SAMMSON: variants seen among roughly 807,000 people sequenced by gnomAD.
SAMMSON encodes long intergenic non-protein coding RNA 1212.
At chr3:70,130,376 T>C (rs552447194) in intron 4 of SAMMSON, among the ~76,000 whole-genome samples, 3 of 152,314 alleles carry the variant, frequency 2.0e-5, no homozygotes, top group South Asian at 4.1e-4. Flanking sequence ...TTGCATGTGC[T>C]AGGGTTGTGA....
At chr3:70,304,175 G>T (rs1702378278) in intron 7 of SAMMSON, among the ~76,000 whole-genome samples, 1 of 152,148 alleles carries the variant, frequency 6.6e-6, no homozygotes, top group Admixed American at 6.5e-5. Flanking sequence ...CTTGGGTGAA[G>T]ATGTCCCAGT....
intron 4 of SAMMSON, among the ~76,000 whole-genome samples, chr3:70,174,573 A>C (rs1052744038): frequency 2.0e-5 from 3 of 151,986 alleles, no homozygotes; most frequent in Non-Finnish European, 4.4e-5. Context: ...ATAAGAAAAA[A>C]ATATGCTAGT....
intron 1 of SAMMSON, among the ~76,000 whole-genome samples, chr3:70,004,620 TACA>T (rs1297122979): frequency 2.0e-5 from 3 of 152,150 alleles, no homozygotes; most frequent in Non-Finnish European, 2.9e-5. Context: ...TAAACCAGCT[TACA>T]ACATTTACAA....
At chr3:70,006,738 A>G (rs534381958) in intron 1 of SAMMSON, among the ~76,000 whole-genome samples, 84 of 151,600 alleles carry the variant, frequency 5.5e-4, no homozygotes, top group African/African-American at 1.8e-3. Context: ...TACATGTGCC[A>G]TGTTGGTGTG....
intron 7 of SAMMSON, among the ~76,000 whole-genome samples, chr3:70,340,241 G>A (rs1245796704): frequency 3.6e-5 from 5 of 138,888 alleles, no homozygotes; most frequent in Non-Finnish European, 6.2e-5. Flanking sequence ...GAGGCCTGTC[G>A]TGGGTTGGGG....
chr3:70,213,778 A>G (rs1701373560), intron 4 of SAMMSON, among the ~76,000 whole-genome samples: 1 of 152,166 alleles, frequency 6.6e-6, no homozygotes, highest in Non-Finnish European at 1.5e-5. Context: ...ACAGGAAATC[A>G]TTCAACATGA....
At chr3:70,244,334 C>T (rs559125888) in intron 4 of SAMMSON, among the ~76,000 whole-genome samples, 2 of 152,292 alleles carry the variant, frequency 1.3e-5, no homozygotes, top group Admixed American at 6.5e-5. Context: ...TTAACATTTT[C>T]TCAATGCCTC....
intron 6 of SAMMSON, among the ~76,000 whole-genome samples, chr3:70,254,187 CATT>C (rs1701794542): frequency 1.3e-5 from 2 of 152,064 alleles, no homozygotes; most frequent in South Asian, 4.1e-4. Context: ...AATGATAAAA[CATT>C]AGTGTCAATT....
intron 4 of SAMMSON, chr3:70,196,865 G>A (rs1044302557): frequency 2.5e-6 from 1 of 398,062 alleles, no homozygotes; most frequent in African/African-American, 2.1e-5. Context: ...AATCAGTCTT[G>A]TTGTAATGGA....
intron 7 of SAMMSON, among the ~76,000 whole-genome samples, chr3:70,328,927 G>A (rs1031783098): frequency 3.3e-5 from 5 of 152,182 alleles, no homozygotes; most frequent in African/African-American, 1.2e-4. Flanking sequence ...TAACTTGAGA[G>A]AAAATGACAC....
chr3:70,092,156 T>C (rs1342776638), intron 4 of SAMMSON, among the ~76,000 whole-genome samples: 2 of 152,162 alleles, frequency 1.3e-5, no homozygotes, highest in Admixed American at 1.3e-4. Flanking sequence ...TGCGAAGTGA[T>C]ACTTGCTTTG....
chr3:70,345,667 T>G (rs2106731598), intron 7 of SAMMSON, among the ~76,000 whole-genome samples: 1 of 152,254 alleles, frequency 6.6e-6, no homozygotes, highest in Admixed American at 6.5e-5. Context: ...CTCCAAAACC[T>G]CGGCAACCAT....
rs190390543 is a variant in SAMMSON at position 70,045,246 on chromosome 3, T to C, written n.418-26230T>C. 2.5e-3 allele frequency among the ~76,000 whole-genome samples: 368 copies of C among 145,896 alleles called. 2 individuals carry two copies. The highest frequency in any genetic ancestry group is 4.2e-3 in the Non-Finnish European group (281 of 66,924). ...TATTTAATATTATTTATTTAGTATG[T>C]TTTAAATATTTTACTTAAAAGTATG... On this transcript the variant is annotated intron_variant and non_coding_transcript_variant, in intron 3 of 9. Coordinates refer to ENST00000642114, the Ensembl canonical transcript of SAMMSON.
At chr3:70,381,740 G>A (rs1174736421) in intron 9 of SAMMSON, among the ~76,000 whole-genome samples, 2 of 152,064 alleles carry the variant, frequency 1.3e-5, no homozygotes, top group African/African-American at 2.4e-5. Context: ...CCAGAATGAG[G>A]ACATTCTAAG....
At chr3:70,431,641 C>T (rs1256400873) in intron 2 of SAMMSON, among the ~76,000 whole-genome samples, 1 of 152,006 alleles carries the variant, frequency 6.6e-6, no homozygotes, top group Non-Finnish European at 1.5e-5. Context: ...ATTCACAGAT[C>T]TTAAGTCTTC....
chr3:70,038,820 A>C (rs1016303688), intron 3 of SAMMSON, among the ~76,000 whole-genome samples: 11 of 152,174 alleles, frequency 7.2e-5, no homozygotes, highest in African/African-American at 2.7e-4. Flanking sequence ...TTGAAACTGG[A>C]GTCAGAATAG....
intron 4 of SAMMSON, among the ~76,000 whole-genome samples, chr3:70,236,414 A>G (rs2106748922): frequency 6.6e-6 from 1 of 152,276 alleles, no homozygotes; most frequent in South Asian, 2.1e-4. Flanking sequence ...GCCTCTAAAG[A>G]GTTCTACCTG....
At chr3:70,368,412 A>G (rs915103930) in intron 9 of SAMMSON, among the ~76,000 whole-genome samples, 1 of 151,676 alleles carries the variant, frequency 6.6e-6, no homozygotes, top group East Asian at 1.9e-4. Flanking sequence ...ATTCTAAAAC[A>G]TTAACAATGT....
chr3:70,345,067 A>T (rs1009623844), intron 7 of SAMMSON, among the ~76,000 whole-genome samples: 2 of 152,236 alleles, frequency 1.3e-5, no homozygotes, highest in Non-Finnish European at 2.9e-5. Context: ...TGCATTCTAC[A>T]TGTAACAATC....
Sources: allele counts gnomAD v4.1 joint callset (sites outside exome capture counted in the v4.1 genomes callset), GRCh38; gene constraint gnomAD v4.1.1; transcripts MANE v1.5; gene names NCBI Gene and HGNC (gene_info 2026-07-23, HGNC 2026-07-21).